Variants in BICRAL observed in about 807,000 individuals in gnomAD.
BICRAL encodes the protein BRD4-interacting chromatin-remodeling complex-associated protein-like.
Under a neutral mutation model 91.8 loss-of-function variants are expected in BICRAL, and 8 were observed. The observed-to-expected ratio is 0.09, with a 90% CI of 0.05 to 0.16. The LOEUF (loss-of-function observed/expected upper bound fraction) is 0.16, where lower values mean the gene tolerates loss of function less well. Ranked by LOEUF, BICRAL falls within the 10% of genes least tolerant of loss-of-function variation. BICRAL has a pLI of 1.00. For synonymous variants in BICRAL, 445 were observed against 491.1 expected (o/e 0.91, Z 1.24); for missense variants, 1,038 against 1,310.9 (o/e 0.79, Z 3.21).
rs1384277319 is a variant in BICRAL, at chr6:42,867,858, G to C, written c.*2412G>C. 3 of 152,228 alleles carry C rather than the reference G, an allele frequency of 2.0e-5. No homozygotes were observed. The highest frequency in any genetic ancestry group is 2.9e-5 in the Non-Finnish European group (2 of 68,030). The allele number at this position is 152,228 out of a possible 1,614,324, so 9.4% of individuals were successfully genotyped here. On this transcript the variant is annotated 3_prime_UTR_variant, in exon 13 of 13. Coordinates refer to ENST00000314073, the MANE Select transcript of BICRAL (RefSeq NM_001393499.1). ...TGTATGTAAGTTTACTTTTTATGGA[G>C]GAAGGATTCTAGATAATGACAAATG... is the stretch of plus-strand genomic sequence containing the variant.
At chr6:42,809,429 A>AT (rs1763795218) in intron 1 of BICRAL, among the ~76,000 whole-genome samples, 6 of 143,364 alleles carry the variant, frequency 4.2e-5, no homozygotes, top group African/African-American at 1.6e-4. Flanking sequence ...CAACTATGAG[A>AT]ATTTTTTTTT....
At chr6:42,764,752 C>T (rs980990367) in intron 1 of BICRAL, among the ~76,000 whole-genome samples, 3 of 151,978 alleles carry the variant, frequency 2.0e-5, no homozygotes, top group Admixed American at 6.6e-5. Context: ...CTCTGCCTCC[C>T]GGGTTCATGC....
chr6:42,849,766 G>C (rs575086713), intron 6 of BICRAL, among the ~76,000 whole-genome samples: 1 of 151,258 alleles, frequency 6.6e-6, no homozygotes, highest in East Asian at 2.0e-4. Flanking sequence ...CATAAGTTTA[G>C]TTTGGTCGGA....
At chr6:42,751,918 A>G (rs1762387420) in intron 1 of BICRAL, among the ~76,000 whole-genome samples, 1 of 151,896 alleles carries the variant, frequency 6.6e-6, no homozygotes, top group African/African-American at 2.4e-5. Context: ...CAGCTTCCCA[A>G]AGTGCTGGGA....
At chr6:42,783,121 T>C (rs1230524776) in intron 1 of BICRAL, among the ~76,000 whole-genome samples, 7 of 147,554 alleles carry the variant, frequency 4.7e-5, no homozygotes, top group African/African-American at 1.8e-4. Context: ...GGCAGGCGAG[T>C]CGCCCCGGCC....
intron 1 of BICRAL, among the ~76,000 whole-genome samples, chr6:42,776,746 G>A (rs867162209): frequency 2.6e-5 from 4 of 152,274 alleles, no homozygotes; most frequent in African/African-American, 7.2e-5. Context: ...AGGAAACTTA[G>A]GTGAGAGAAA....
At position 42,844,557 on chromosome 6, in the gene BICRAL, A is replaced by AGGCCG. The variant is rs71305781; in HGVS notation, c.1840-7534_1840-7533insGCCGG. Among the ~76,000 whole-genome samples, 3 of 80,414 alleles carry AGGCCG rather than the reference A, an allele frequency of 3.7e-5. 1 individual carries two copies. Among genetic ancestry groups the AGGCCG allele is most frequent in the African/African-American group, 1.2e-4 (3 of 25,978 alleles). 52.8% of individuals were successfully genotyped at this position (80,414 alleles called of 152,430 possible). ...AAAAAAAAAAAAAAGAGGGTGTTGCAGAAAGAAGATCCACAGAGTGATGCA... is the reference window on the plus strand; with the variant it reads ...AAAAAAAAAAAAAAGAGGGTGTTGCAGGCCGGAAAGAAGATCCACAGAGTGATGCA... On this transcript the variant is annotated intron_variant, in intron 6 of 12. Transcript: ENST00000314073.
At chr6:42,771,498 G>T (rs563162202) in intron 1 of BICRAL, among the ~76,000 whole-genome samples, 1 of 148,278 alleles carries the variant, frequency 6.7e-6, no homozygotes, top group East Asian at 2.0e-4. Flanking sequence ...GTGGCGGGGG[G>T]TGGTGGGGGG....
At chr6:42,799,919 C>T (rs1206641212) in intron 1 of BICRAL, among the ~76,000 whole-genome samples, 1 of 152,038 alleles carries the variant, frequency 6.6e-6, no homozygotes, top group Non-Finnish European at 1.5e-5. Context: ...CTTGCTCTGT[C>T]TCCCAAGCTG....
At chr6:42,793,295 A>ATTTTTTTT (rs1562464482) in intron 1 of BICRAL, among the ~76,000 whole-genome samples, 4 of 34,386 alleles carry the variant, frequency 1.2e-4, no homozygotes, top group Non-Finnish European at 2.0e-4. Context: ...AGACCCAGCT[A>ATTTTTTTT]ATTTTTTTTT....
chr6:42,852,309 G>C, intron 7 of BICRAL, 112 bp downstream of exon 7: 1 of 729,426 alleles, frequency 1.4e-6, no homozygotes. Context: ...TCTCCACTCC[G>C]ATTATTCCTT....
At chr6:42,849,473 T>G (rs2114008738) in intron 6 of BICRAL, among the ~76,000 whole-genome samples, 1 of 147,896 alleles carries the variant, frequency 6.8e-6, no homozygotes, top group East Asian at 2.0e-4. Context: ...ACAGTCTCAC[T>G]CTGTCGGCCA....
chr6:42,860,053 A>C (rs531302553), intron 10 of BICRAL, among the ~76,000 whole-genome samples: 1 of 152,316 alleles, frequency 6.6e-6, no homozygotes, highest in East Asian at 1.9e-4. Flanking sequence ...TTAGTAATAA[A>C]ATGAGTTTCC....
intron 1 of BICRAL, among the ~76,000 whole-genome samples, chr6:42,807,720 C>T (rs71560782): frequency 2.0e-5 from 3 of 150,838 alleles, no homozygotes; most frequent in Admixed American, 2.0e-4. Context: ...GCAGGAGAAT[C>T]GCTTGAACCT....
chr6:42,836,522 G>A (rs1764640834), intron 6 of BICRAL, among the ~76,000 whole-genome samples: 1 of 151,694 alleles, frequency 6.6e-6, no homozygotes, highest in Admixed American at 6.6e-5. Context: ...ATACCCTTGG[G>A]TACACAATTA....
intron 1 of BICRAL, among the ~76,000 whole-genome samples, chr6:42,772,824 G>A (rs1311705492): frequency 6.6e-6 from 1 of 152,184 alleles, no homozygotes; most frequent in East Asian, 1.9e-4. Context: ...ACCATTGAGG[G>A]AGGATGGTAT....
At chr6:42,861,272 A>G (rs984620274) in intron 11 of BICRAL, among the ~76,000 whole-genome samples, 2 of 152,224 alleles carry the variant, frequency 1.3e-5, no homozygotes, top group African/African-American at 4.8e-5. Context: ...AGATCGCACC[A>G]CTGTACTCCA....
chr6:42,843,955 T>C (rs1764895618), intron 6 of BICRAL, among the ~76,000 whole-genome samples: 1 of 150,094 alleles, frequency 6.7e-6, no homozygotes, highest in Non-Finnish European at 1.5e-5. Context: ...CGCGTCACCA[T>C]GCCGGCTAAT....
At chr6:42,804,784 T>C (rs1018992700) in intron 1 of BICRAL, among the ~76,000 whole-genome samples, 2 of 152,184 alleles carry the variant, frequency 1.3e-5, no homozygotes, top group African/African-American at 4.8e-5. Context: ...ATCTAAAAGT[T>C]GCCTGCCTTC....
Sources: gnomAD v4.1 joint callset for allele counts (sites outside exome capture counted in the v4.1 genomes callset) on GRCh38, gnomAD v4.1.1 for gene constraint, MANE v1.5 for transcripts, NCBI Gene and HGNC (gene_info 2026-07-23, HGNC 2026-07-21) for gene names.